The following APBB1IP variants were observed in gnomAD, a reference collection of about 807,000 sequenced individuals.
APBB1IP encodes the protein amyloid beta A4 precursor protein-binding family B member 1-interacting protein.
In APBB1IP, 27 loss-of-function variants were observed where a neutral mutation model predicts 64.9. The observed-to-expected ratio is 0.42, with a 90% CI of 0.31 to 0.57. The LOEUF (loss-of-function observed/expected upper bound fraction) is 0.57. Ranked by LOEUF, APBB1IP falls within the 20% of genes least tolerant of loss-of-function variation. APBB1IP has a pLI of 0.20. For synonymous variants in APBB1IP, 392 were observed against 331.0 expected, an observed-to-expected ratio of 1.18 and a Z score of -2.00; for missense variants, 812 against 845.5, an observed-to-expected ratio of 0.96 and a Z score of 0.49.
chr10:26,504,303 T>C (rs1412407782), intron 6 of APBB1IP, among the ~76,000 whole-genome samples: 1 of 152,220 alleles, frequency 6.6e-6, no homozygotes, highest in African/African-American at 2.4e-5. Flanking sequence ...TGTAAGTTGA[T>C]CATGCATTTT....
chr10:26,560,058 T>C, intron 11 of APBB1IP, 47 bp from the exon 12 acceptor site: 2 of 1,522,524 alleles, frequency 1.3e-6, no homozygotes, highest in Non-Finnish European at 1.8e-6. Context: ...TTTGACCTCC[T>C]AATACATGAC....
At position 26,503,109 on chromosome 10, in the gene APBB1IP, C is replaced by A. The variant is rs1015374728; in HGVS notation, c.454-88C>A. Reference sequence around the variant, plus strand: ...AATTTGGTACCTTTTGTTAATACAACGTAGCTGAGACACTAGCAATGACAG... The same window carrying A: ...AATTTGGTACCTTTTGTTAATACAAAGTAGCTGAGACACTAGCAATGACAG... On this transcript the variant is annotated intron_variant, in intron 5 of 14. Coordinates refer to ENST00000376236, the MANE Select transcript of APBB1IP (RefSeq NM_019043.4). 4.0e-6 allele frequency: 5 copies of A among 1,242,660 alleles called. No homozygotes were observed. The South Asian group carries it at 4.3e-5, about 11-fold the overall frequency. 77.0% of individuals were successfully genotyped at this position (1,242,660 alleles called of 1,614,324 possible). A position where few individuals can be genotyped will look rare whatever the true frequency, so the allele number is the denominator to read the frequency against.
chr10:26,547,422 T>G (rs567501400), intron 11 of APBB1IP, among the ~76,000 whole-genome samples: 3 of 152,116 alleles, frequency 2.0e-5, no homozygotes, highest in South Asian at 2.1e-4. Context: ...TTTGTTGGTT[T>G]GTTTGTTTGT....
chr10:26,542,261 A>G (rs1336543043), intron 11 of APBB1IP, among the ~76,000 whole-genome samples: 1 of 152,140 alleles, frequency 6.6e-6, no homozygotes, highest in Admixed American at 6.5e-5. Context: ...GGCTCAAGCA[A>G]TCCTCCTGCC....
chr10:26,455,233 G>A (rs988098052), intron 2 of APBB1IP, among the ~76,000 whole-genome samples: 5 of 152,126 alleles, frequency 3.3e-5, no homozygotes, highest in African/African-American at 1.2e-4. Flanking sequence ...GTATCATTAA[G>A]AAGGAAAAAG....
In APBB1IP at chr10:26,528,485, T is replaced by C. The variant is rs532495997; in HGVS notation, c.814-4954T>C. 1.2e-4 allele frequency among the ~76,000 whole-genome samples: 19 copies of C among 152,320 alleles called. No homozygotes were observed. In the South Asian group the frequency reaches 3.9e-3, roughly 32 times the overall value. ...AGTTTTTCTTGACCATCGCAGTCCA[T>C]AGTAATTTCTTCCTTCCTGAAAATC... On this transcript the variant is annotated intron_variant, in intron 8 of 14. Coordinates refer to ENST00000376236, the MANE Select transcript of APBB1IP (RefSeq NM_019043.4).
At chr10:26,448,223 G>A (rs928183178) in intron 2 of APBB1IP, among the ~76,000 whole-genome samples, 1 of 150,616 alleles carries the variant, frequency 6.6e-6, no homozygotes, top group Non-Finnish European at 1.5e-5. Context: ...TTTAATTTTT[G>A]TAGAGATGAG....
At chr10:26,540,262 A>G (rs894846324) in intron 10 of APBB1IP, among the ~76,000 whole-genome samples, 2 of 152,196 alleles carry the variant, frequency 1.3e-5, no homozygotes, top group African/African-American at 2.4e-5. Flanking sequence ...TGATGTAGAA[A>G]GACTCCTAGA....
intron 8 of APBB1IP, among the ~76,000 whole-genome samples, chr10:26,522,305 C>A (rs1169378708): frequency 6.6e-6 from 1 of 152,078 alleles, no homozygotes; most frequent in African/African-American, 2.4e-5. Context: ...CACACAGCTT[C>A]CCCCACTATC....
At position 26,469,668 on chromosome 10, in the gene APBB1IP, C is replaced by T. The variant is rs186789425; in HGVS notation, c.1-22659C>T. 1.1e-4 allele frequency among the ~76,000 whole-genome samples: 16 copies of T among 151,922 alleles called. No individual in the cohort carries two copies. In the East Asian group the frequency reaches 3.1e-3, roughly 29 times the overall value. ...TTGTCACTGGGTATATTGTGTGATG[C>T]CAAGGTTTGTGGTACAGATGATCCC... On this transcript the variant is annotated intron_variant, in intron 2 of 14. Coordinates refer to ENST00000376236, the MANE Select transcript of APBB1IP (RefSeq NM_019043.4).
Position 26,567,764 on chromosome 10 carries a change from G to A in APBB1IP, c.*276G>A. 1 of 516,560 alleles carries A rather than the reference G, an allele frequency of 1.9e-6. No individual in the cohort carries two copies. Among genetic ancestry groups the A allele is most frequent in the Non-Finnish European group, 2.8e-6 (1 of 356,574 alleles). The allele number at this position is 516,560 out of a possible 1,614,324, so 32.0% of individuals were successfully genotyped here. ...GTTTTAGGTTCATTTATTTTATTAT[G>A]TTCAGAAGCATCAAATAAAAGTTAA... On this transcript the variant is annotated 3_prime_UTR_variant, in exon 15 of 15. Coordinates refer to ENST00000376236, the MANE Select transcript of APBB1IP (RefSeq NM_019043.4).
intron 14 of APBB1IP, among the ~76,000 whole-genome samples, chr10:26,564,826 A>AATAAAT (rs1490038969): frequency 6.6e-6 from 1 of 152,002 alleles, no homozygotes; most frequent in African/African-American, 2.4e-5. Context: ...TAAAAATAAA[A>AATAAAT]ATAAAATAAA....
chr10:26,468,801 T>G (rs1165350976), intron 2 of APBB1IP, among the ~76,000 whole-genome samples: 1 of 152,234 alleles, frequency 6.6e-6, no homozygotes, highest in East Asian at 1.9e-4. Flanking sequence ...GTCCTGGATG[T>G]GTCTCACAGG....
chr10:26,515,726 A>C (rs1269970789), intron 8 of APBB1IP, among the ~76,000 whole-genome samples: 1 of 152,140 alleles, frequency 6.6e-6, no homozygotes, highest in Non-Finnish European at 1.5e-5. Flanking sequence ...AGAGCCGGAG[A>C]TTACCTCCAT....
intron 8 of APBB1IP, among the ~76,000 whole-genome samples, chr10:26,522,826 C>A (rs909588000): frequency 6.6e-6 from 1 of 151,762 alleles, no homozygotes; most frequent in South Asian, 2.1e-4. Flanking sequence ...ATGATGAAAC[C>A]TTGTCTCTAC....
chr10:26,562,346 C>T lies in APBB1IP; in HGVS notation c.1390C>T (p.Gln464Ter), dbSNP rs896903445. 1 of 1,613,870 alleles carries T rather than the reference C, an allele frequency of 6.2e-7. No individual in the cohort carries two copies. The highest frequency in any genetic ancestry group is 1.7e-5 in the Admixed American group (1 of 60,020). Residue 464 changes from glutamine (Q) to a stop codon, truncating the protein, a stop_gained, in exon 14 of 15, where the codon CAG (glutamine) becomes TAG (stop). Coordinates refer to ENST00000376236, the MANE Select transcript of APBB1IP (RefSeq NM_019043.4). LOFTEE classifies it high-confidence loss of function. ...PSTGPKTGTT[Q>*]PNGQIPQATH... ...CTCAGGACCTAAAACAGGCACCACC[C>T]AGCCCAATGGACAGATTCCCCAGGC...
chr10:26,479,735 A>G (rs1835814263), intron 2 of APBB1IP, among the ~76,000 whole-genome samples: 1 of 152,202 alleles, frequency 6.6e-6, no homozygotes, highest in Non-Finnish European at 1.5e-5. Context: ...CTCTTCCTAT[A>G]GGGAATAAAT....
At chr10:26,439,494 C>T (rs998403127) in intron 2 of APBB1IP, among the ~76,000 whole-genome samples, 1 of 152,140 alleles carries the variant, frequency 6.6e-6, no homozygotes. Context: ...AATGAATATC[C>T]AGAGGGCCTT....
chr10:26,529,052 G>T (rs1836515150), intron 8 of APBB1IP, among the ~76,000 whole-genome samples: 2 of 152,228 alleles, frequency 1.3e-5, no homozygotes, highest in Non-Finnish European at 2.9e-5. Context: ...TTTTTAAAAA[G>T]TATTTGCTGT....
Sources: gnomAD v4.1 joint callset for allele counts (sites outside exome capture counted in the v4.1 genomes callset) on GRCh38, gnomAD v4.1.1 for gene constraint, MANE v1.5 for transcripts, NCBI Gene and HGNC (gene_info 2026-07-23, HGNC 2026-07-21) for gene names.